Variants in SGCZ observed in about 807,000 individuals in gnomAD.
SGCZ encodes the protein zeta-sarcoglycan.
In SGCZ, 40 loss-of-function variants were observed where a neutral mutation model predicts 41.3. The ratio of observed to expected loss-of-function variants is 0.97; its 90% confidence interval spans 0.75 to 1.26. SGCZ has a LOEUF of 1.26. Among genes scored for constraint, SGCZ ranks in the 50% most tolerant of loss-of-function variants. The probability of loss-of-function intolerance (pLI) is 0.00; values close to 1 mark genes in which losing one functional copy is unlikely to be tolerated. For synonymous variants in SGCZ, 206 were observed against 137.5 expected, an observed-to-expected ratio of 1.50 and a Z score of -3.49; for missense variants, 552 against 369.8, an observed-to-expected ratio of 1.49 and a Z score of -4.04.
intron 2 of SGCZ, among the ~76,000 whole-genome samples, chr8:14,511,512 G>T (rs1371495715): frequency 3.3e-5 from 5 of 151,986 alleles, no homozygotes; most frequent in Non-Finnish European, 5.9e-5. Context: ...GCTTAAGAAG[G>T]TTGGCCAGTG....
chr8:15,114,813 C>G (rs1179977842), intron 1 of SGCZ, among the ~76,000 whole-genome samples: 2 of 149,622 alleles, frequency 1.3e-5, no homozygotes, highest in African/African-American at 4.9e-5. Flanking sequence ...AAATACTAAA[C>G]AGAGTTGCCC....
intron 5 of SGCZ, among the ~76,000 whole-genome samples, chr8:14,113,588 T>C (rs1454991372): frequency 6.6e-6 from 1 of 152,038 alleles, no homozygotes; most frequent in African/African-American, 2.4e-5. Context: ...TAAAACCATA[T>C]TCCACACAAC....
At chr8:14,966,379 TC>T (rs1342521942) in intron 1 of SGCZ, among the ~76,000 whole-genome samples, 2 of 151,670 alleles carry the variant, frequency 1.3e-5, no homozygotes, top group Non-Finnish European at 2.9e-5. Flanking sequence ...AAAAATTTAT[TC>T]ATATTGTCCC....
At chr8:14,616,001 G>A (rs1806088002) in intron 1 of SGCZ, among the ~76,000 whole-genome samples, 1 of 152,036 alleles carries the variant, frequency 6.6e-6, no homozygotes, top group African/African-American at 2.4e-5. Flanking sequence ...GGAAAACCCT[G>A]GGCTGGGCGC....
intron 4 of SGCZ, among the ~76,000 whole-genome samples, chr8:14,229,931 T>C (rs1363125537): frequency 1.3e-5 from 2 of 152,160 alleles, no homozygotes; most frequent in Admixed American, 6.6e-5. Flanking sequence ...AACTGTTTTG[T>C]GGATTAAATT....
intron 2 of SGCZ, among the ~76,000 whole-genome samples, chr8:14,441,362 G>A (rs979988459): frequency 7.2e-5 from 11 of 152,150 alleles, no homozygotes; most frequent in African/African-American, 1.2e-4. Flanking sequence ...GGATCACGAG[G>A]TCAAGAGATT....
At chr8:14,953,305 C>T (rs1453561564) in intron 1 of SGCZ, among the ~76,000 whole-genome samples, 1 of 152,050 alleles carries the variant, frequency 6.6e-6, no homozygotes, top group Non-Finnish European at 1.5e-5. Flanking sequence ...AAGGGGGAAG[C>T]GCTACGTACA....
At chr8:15,042,424 G>C (rs1804138000) in intron 1 of SGCZ, among the ~76,000 whole-genome samples, 1 of 152,204 alleles carries the variant, frequency 6.6e-6, no homozygotes, top group African/African-American at 2.4e-5. Flanking sequence ...TGCCAAGTCA[G>C]CTGCAGCACT....
At chr8:14,435,228 C>T (rs1427350755) in intron 2 of SGCZ, among the ~76,000 whole-genome samples, 1 of 152,074 alleles carries the variant, frequency 6.6e-6, no homozygotes, top group East Asian at 1.9e-4. Flanking sequence ...TTGCATATTG[C>T]CATTATATTA....
At chr8:14,186,742 A>G (rs1804915557) in intron 4 of SGCZ, among the ~76,000 whole-genome samples, 1 of 152,206 alleles carries the variant, frequency 6.6e-6, no homozygotes. Flanking sequence ...TGCTAGAAGA[A>G]GTTCAAACCT....
intron 3 of SGCZ, among the ~76,000 whole-genome samples, chr8:14,251,034 C>T (rs768938940): frequency 6.6e-6 from 1 of 152,098 alleles, no homozygotes; most frequent in Non-Finnish European, 1.5e-5. Context: ...TCAAGACCAG[C>T]CTGGCCAACA....
chr8:14,446,144 G>A (rs1800426420), intron 2 of SGCZ, among the ~76,000 whole-genome samples: 1 of 152,108 alleles, frequency 6.6e-6, no homozygotes, highest in East Asian at 1.9e-4. Flanking sequence ...AAGCACTCAG[G>A]CATATATACC....
intron 1 of SGCZ, among the ~76,000 whole-genome samples, chr8:14,615,775 C>T (rs921372670): frequency 2.0e-5 from 3 of 152,188 alleles, no homozygotes; most frequent in Non-Finnish European, 4.4e-5. Flanking sequence ...AAGAAATACT[C>T]TGTACCTCGC....
intron 1 of SGCZ, among the ~76,000 whole-genome samples, chr8:14,916,935 G>A (rs1177725732): frequency 7.2e-5 from 11 of 152,116 alleles, no homozygotes; most frequent in South Asian, 6.2e-4. Flanking sequence ...GTTACTCAGC[G>A]TCAGAGAAAA....
chr8:15,179,885 T>A (rs977170717), intron 1 of SGCZ, among the ~76,000 whole-genome samples: 1 of 152,182 alleles, frequency 6.6e-6, no homozygotes. Context: ...AGCTAAACTG[T>A]ACCACACAAC....
intron 7 of SGCZ, among the ~76,000 whole-genome samples, chr8:14,091,005 G>A (rs1375512271): frequency 6.6e-6 from 1 of 151,904 alleles, no homozygotes; most frequent in Non-Finnish European, 1.5e-5. Flanking sequence ...CCCCCTGACA[G>A]GCCCGGATGT....
chr8:14,435,539 A>AT (rs1207775506), intron 2 of SGCZ, among the ~76,000 whole-genome samples: 1 of 152,134 alleles, frequency 6.6e-6, no homozygotes, highest in African/African-American at 2.4e-5. Context: ...ATCAATGGAA[A>AT]TTTTTTCAAT....
At chr8:14,273,857 T>C (rs1479060147) in intron 3 of SGCZ, among the ~76,000 whole-genome samples, 2 of 152,186 alleles carry the variant, frequency 1.3e-5, no homozygotes, top group African/African-American at 4.8e-5. Flanking sequence ...TCATAGAGAC[T>C]TCATCACCCT....
At chr8:14,611,699 A>G (rs549054540) in intron 1 of SGCZ, among the ~76,000 whole-genome samples, 4 of 152,218 alleles carry the variant, frequency 2.6e-5, no homozygotes, top group Admixed American at 2.6e-4. Flanking sequence ...AAGATTTTTC[A>G]TAAAGAAATA....
Sources: gnomAD v4.1 joint callset for allele counts (sites outside exome capture counted in the v4.1 genomes callset) on GRCh38, gnomAD v4.1.1 for gene constraint, MANE v1.5 for transcripts, NCBI Gene and HGNC (gene_info 2026-07-23, HGNC 2026-07-21) for gene names.